MAML2: variants seen among roughly 807,000 people sequenced by gnomAD.
MAML2 encodes the protein mastermind-like protein 2.
A neutral mutation model predicts 96.1 loss-of-function variants in MAML2; 22 were observed. The observed-to-expected ratio is 0.23, with a 90% CI of 0.16 to 0.33. MAML2 has a LOEUF of 0.33. Ranked by LOEUF, MAML2 falls within the 10% of genes least tolerant of loss-of-function variation. The pLI, the probability that MAML2 is intolerant of heterozygous loss-of-function variation, is 1.00. For missense variants in MAML2, 1,367 were observed against 1,392.4 expected (o/e 0.98, Z 0.29); for synonymous variants, 561 against 521.3 (o/e 1.08, Z -1.04).
intron 1 of MAML2, among the ~76,000 whole-genome samples, chr11:96,300,750 G>C (rs1220308660): frequency 6.6e-6 from 1 of 152,198 alleles, no homozygotes; most frequent in Non-Finnish European, 1.5e-5. Context: ...CCTCAGGGAG[G>C]ATTCATGAAC....
intron 2 of MAML2, among the ~76,000 whole-genome samples, chr11:96,015,591 G>A (rs1468568301): frequency 2.3e-5 from 3 of 129,348 alleles, no homozygotes; most frequent in African/African-American, 5.5e-5. Context: ...AAAAGGGGGG[G>A]GGGGCAATTC....
chr11:96,106,980 C>CTTTTTTTTTTTTTTTT lies in MAML2; in HGVS notation c.514-13464_514-13463insAAAAAAAAAAAAAAAA. ...TGCCATTGTAACTATGAAAAGAGTC[C>CTTTTTTTTTTTTTTTT]TTTTTTTTTTTTTGACCAGTGTATT... On this transcript the variant is annotated intron_variant, in intron 1 of 4. Transcript: ENST00000524717. 1.7e-4 allele frequency among the ~76,000 whole-genome samples: 15 copies of CTTTTTTTTTTTTTTTT among 90,290 alleles called. 1 individual carries two copies. Among genetic ancestry groups the CTTTTTTTTTTTTTTTT allele is most frequent in the East Asian group, 7.7e-4 (2 of 2,590 alleles). 59.2% of individuals were successfully genotyped at this position (90,290 alleles called of 152,430 possible).
At chr11:96,266,390 A>G (rs1241620665) in intron 1 of MAML2, among the ~76,000 whole-genome samples, 6 of 151,974 alleles carry the variant, frequency 3.9e-5, no homozygotes, top group Admixed American at 2.0e-4. Flanking sequence ...CTAACACGGT[A>G]AAACCCCATC....
chr11:96,318,047 C>A (rs1863654311), intron 1 of MAML2, among the ~76,000 whole-genome samples: 1 of 152,146 alleles, frequency 6.6e-6, no homozygotes, highest in Non-Finnish European at 1.5e-5. Context: ...GGTTACTAGG[C>A]CTCTTAATAT....
intron 1 of MAML2, among the ~76,000 whole-genome samples, chr11:96,305,730 A>T (rs138617346): frequency 6.6e-6 from 1 of 152,166 alleles, no homozygotes; most frequent in Non-Finnish European, 1.5e-5. Context: ...CACAACTTCT[A>T]TGATGAACTA....
intron 1 of MAML2, among the ~76,000 whole-genome samples, chr11:96,237,913 A>G (rs928385624): frequency 8.7e-4 from 132 of 152,374 alleles, no homozygotes; most frequent in African/African-American, 2.9e-3. Flanking sequence ...TGTTTTAACT[A>G]GAAACATCAA....
intron 2 of MAML2, among the ~76,000 whole-genome samples, chr11:96,079,235 G>A (rs992628901): frequency 6.6e-6 from 1 of 152,152 alleles, no homozygotes; most frequent in Non-Finnish European, 1.5e-5. Context: ...AAAACTTGAT[G>A]TACTTGGGAC....
intron 2 of MAML2, among the ~76,000 whole-genome samples, chr11:96,078,575 A>C (rs1859482828): frequency 6.6e-6 from 1 of 152,220 alleles, no homozygotes; most frequent in Admixed American, 6.5e-5. Context: ...TCTGCTTCTG[A>C]GAGCAATGAT....
At chr11:96,071,140 C>A (rs1164638538) in intron 2 of MAML2, among the ~76,000 whole-genome samples, 2 of 152,166 alleles carry the variant, frequency 1.3e-5, no homozygotes, top group Admixed American at 1.3e-4. Flanking sequence ...GGCATATATG[C>A]AGAATGGGAC....
chr11:96,035,871 G>A lies in MAML2; in HGVS notation c.2140-44148C>T, dbSNP rs569184531. ...CTCCATTCGAGTCCTAGCTCCATGTGACCGTGGGCAAGTTACATAACCTCT... is the reference window on the plus strand; with the variant it reads ...CTCCATTCGAGTCCTAGCTCCATGTAACCGTGGGCAAGTTACATAACCTCT... On this transcript the variant is annotated intron_variant, in intron 2 of 4. Coordinates refer to ENST00000524717, the MANE Select transcript of MAML2 (RefSeq NM_032427.4). Among the ~76,000 whole-genome samples, 4 of 152,304 alleles carry A rather than the reference G, an allele frequency of 2.6e-5. No homozygotes were observed. The East Asian group carries it at 7.7e-4, about 29-fold the overall frequency.
rs34562985 is a variant in MAML2, at chr11:96,115,473, AT to A, written c.514-21957del. 2.3e-3 allele frequency among the ~76,000 whole-genome samples: 347 copies of A among 147,930 alleles called. 1 individual carries two copies. Among genetic ancestry groups the A allele is most frequent in the East Asian group, 6.1e-3 (31 of 5,050 alleles). The stretch of plus-strand genomic sequence containing the variant: ...TGTAATCCACCACCACACCTGGCGG[AT>A]TTTTTTTTTTTTAAACCCCATTCAT... On this transcript the variant is annotated intron_variant, in intron 1 of 4. Transcript: ENST00000524717.
chr11:96,093,037 C>T lies in MAML2; in HGVS notation c.994G>A (p.Ala332Thr), dbSNP rs1363735126. 6.2e-6 allele frequency: 10 copies of T among 1,614,012 alleles called. No homozygotes were observed. The highest frequency in any genetic ancestry group is 5.5e-5 in the South Asian group (5 of 91,076). Residue 332 changes from alanine (A) to threonine (T), a missense_variant, in exon 2 of 5, where the codon GCC becomes ACC. Coordinates refer to ENST00000524717, the MANE Select transcript of MAML2 (RefSeq NM_032427.4). Reference sequence around the variant, plus strand: ...AATGGGTCATCCTGCTTTATGGTGGCATTGATCATGTTCTCCAGTTCAAGG... The same window carrying T: ...AATGGGTCATCCTGCTTTATGGTGGTATTGATCATGTTCTCCAGTTCAAGG... ...SDLELENMIN[A>T]TIKQDDPFNI...
At chr11:96,214,649 A>C (rs2135941417) in intron 1 of MAML2, among the ~76,000 whole-genome samples, 1 of 152,322 alleles carries the variant, frequency 6.6e-6, no homozygotes, top group South Asian at 2.1e-4. Flanking sequence ...AAGCACTTAT[A>C]GTCATGCGAA....
At chr11:96,083,695 T>G (rs1228762930) in intron 2 of MAML2, among the ~76,000 whole-genome samples, 1 of 152,118 alleles carries the variant, frequency 6.6e-6, no homozygotes, top group Non-Finnish European at 1.5e-5. Context: ...ATGGTATAAT[T>G]TATTTGTCCA....
chr11:96,208,189 G>A (rs1861920992), intron 1 of MAML2, among the ~76,000 whole-genome samples: 1 of 152,218 alleles, frequency 6.6e-6, no homozygotes, highest in South Asian at 2.1e-4. Flanking sequence ...ATCTTATTCA[G>A]CCTATAATAA....
chr11:96,312,219 CAAAAAAAA>C lies in MAML2; in HGVS notation c.513+29156_513+29163del, dbSNP rs34658278. On this transcript the variant is annotated intron_variant, in intron 1 of 4. Transcript: ENST00000524717. ...TGGGCGACAGAGCAAGACTCTATCT[CAAAAAAAA>C]AAAAAAAAAAAAAAAAAGAATGAGC... Among the ~76,000 whole-genome samples the C allele has an allele frequency of 1.9e-4, 10 of 51,560 alleles. 1 individual carries two copies. The South Asian group carries it at 5.0e-3, about 26-fold the overall frequency. 33.8% of individuals were successfully genotyped at this position (51,560 alleles called of 152,430 possible). A position where few individuals can be genotyped will look rare whatever the true frequency, so the allele number is the denominator to read the frequency against.
chr11:96,123,247 A>T (rs1860380745), intron 1 of MAML2, among the ~76,000 whole-genome samples: 1 of 152,124 alleles, frequency 6.6e-6, no homozygotes, highest in Admixed American at 6.5e-5. Flanking sequence ...CTAGATCTCC[A>T]AAAAAATGCC....
intron 1 of MAML2, among the ~76,000 whole-genome samples, chr11:96,241,206 A>G (rs1012131364): frequency 6.6e-6 from 1 of 152,218 alleles, no homozygotes; most frequent in African/African-American, 2.4e-5. Flanking sequence ...AGTACCATAC[A>G]TTGTCTTCTC....
intron 1 of MAML2, among the ~76,000 whole-genome samples, chr11:96,244,481 G>GATAT (rs1490440384): frequency 6.6e-6 from 1 of 152,144 alleles, no homozygotes; most frequent in Non-Finnish European, 1.5e-5. Context: ...ATGCATTCAT[G>GATAT]ATATCTACAC....
Sources: gnomAD v4.1 joint callset for allele counts (sites outside exome capture counted in the v4.1 genomes callset) on GRCh38, gnomAD v4.1.1 for gene constraint, MANE v1.5 for transcripts, NCBI Gene and HGNC (gene_info 2026-07-23, HGNC 2026-07-21) for gene names.